Variants in TMEM178B observed in about 807,000 individuals in gnomAD.
TMEM178B encodes transmembrane protein 178B.
Under a neutral mutation model 31.0 loss-of-function variants are expected in TMEM178B, and 5 were observed. The ratio of observed to expected loss-of-function variants is 0.16; its 90% confidence interval spans 0.08 to 0.34. The LOEUF (loss-of-function observed/expected upper bound fraction) is 0.34. Ranked by LOEUF, TMEM178B falls within the 10% of genes least tolerant of loss-of-function variation. TMEM178B has a pLI of 1.00. For synonymous variants in TMEM178B, 164 were observed against 164.0 expected, an observed-to-expected ratio of 1.00 and a Z score of 0.00; for missense variants, 275 against 400.3, an observed-to-expected ratio of 0.69 and a Z score of 2.67.
intron 2 of TMEM178B, among the ~76,000 whole-genome samples, chr7:141,437,379 C>T (rs918532031): frequency 1.3e-5 from 2 of 152,220 alleles, no homozygotes; most frequent in African/African-American, 4.8e-5. Context: ...GATGATCTGT[C>T]CCTGTGCTTA....
At chr7:141,305,398 C>T (rs1163742425) in intron 2 of TMEM178B, among the ~76,000 whole-genome samples, 1 of 152,142 alleles carries the variant, frequency 6.6e-6, no homozygotes, top group Non-Finnish European at 1.5e-5. Flanking sequence ...AATGCACCAC[C>T]TGCTATTGCA....
intron 1 of TMEM178B, among the ~76,000 whole-genome samples, chr7:141,182,213 G>A (rs777480412): frequency 1.3e-5 from 2 of 152,100 alleles, no homozygotes; most frequent in African/African-American, 4.8e-5. Flanking sequence ...CATGCTCGCC[G>A]GGCAGCAGCC....
chr7:141,080,789 C>G (rs1794669483), intron 1 of TMEM178B, among the ~76,000 whole-genome samples: 1 of 152,150 alleles, frequency 6.6e-6, no homozygotes, highest in African/African-American at 2.4e-5. Flanking sequence ...TGGTTAAAGA[C>G]AGACTGCAGT....
At chr7:141,333,808 CAGGTAT>C (rs1409923885) in intron 2 of TMEM178B, among the ~76,000 whole-genome samples, 1 of 152,212 alleles carries the variant, frequency 6.6e-6, no homozygotes, top group Non-Finnish European at 1.5e-5. Context: ...CTCAGATCAT[CAGGTAT>C]TAGTTAGAGT....
intron 2 of TMEM178B, among the ~76,000 whole-genome samples, chr7:141,408,524 T>G (rs1489339002): frequency 6.6e-6 from 1 of 152,166 alleles, no homozygotes; most frequent in Non-Finnish European, 1.5e-5. Context: ...GGGATCACAT[T>G]GAGAGAATCA....
At chr7:141,326,953 A>G (rs375166691) in intron 2 of TMEM178B, among the ~76,000 whole-genome samples, 1 of 152,284 alleles carries the variant, frequency 6.6e-6, no homozygotes, top group South Asian at 2.1e-4. Context: ...TTTAACTCAC[A>G]TTTAAAAATA....
At chr7:141,335,510 C>T (rs1379080040) in intron 2 of TMEM178B, among the ~76,000 whole-genome samples, 1 of 152,080 alleles carries the variant, frequency 6.6e-6, no homozygotes, top group African/African-American at 2.4e-5. Flanking sequence ...GGACAGGCAC[C>T]CTGTGCAGGA....
intron 2 of TMEM178B, among the ~76,000 whole-genome samples, chr7:141,218,336 G>A (rs532681546): frequency 7.9e-5 from 12 of 152,266 alleles, no homozygotes; most frequent in Admixed American, 1.3e-4. Flanking sequence ...AGGGAGCAGT[G>A]GGGATGGAGG....
chr7:141,486,025 A>G, the TMEM178B span, among the ~76,000 whole-genome samples: 1 of 152,248 alleles, frequency 6.6e-6, no homozygotes, highest in Non-Finnish European at 1.5e-5. Context: ...GATTAGATAA[A>G]GAGAATGTGG....
Position 141,470,515 on chromosome 7 carries a change from GT to G in TMEM178B, c.635-20del, listed in dbSNP as rs1220037353. On this transcript the variant is annotated intron_variant, in intron 3 of 3. Transcript: ENST00000565468. ...TTCCTTCTCCATTTCCCCATCCTGTGTCTTTTCCCTTGTCCTCCAGGAACCT... is the reference window on the plus strand; with the variant it reads ...TTCCTTCTCCATTTCCCCATCCTGTGCTTTTCCCTTGTCCTCCAGGAACCT... The G allele has an allele frequency of 6.7e-7, 1 of 1,485,598 alleles. No individual in the cohort carries two copies. Among genetic ancestry groups the G allele is most frequent in the African/African-American group, 1.4e-5 (1 of 71,278 alleles). The allele number at this position is 1,485,598 out of a possible 1,614,324, so 92.0% of individuals were successfully genotyped here.
intron 2 of TMEM178B, among the ~76,000 whole-genome samples, chr7:141,386,306 G>A (rs1442657152): frequency 1.3e-5 from 2 of 152,194 alleles, no homozygotes. Flanking sequence ...GGACCTTGCA[G>A]AAACTTCGGC....
intron 2 of TMEM178B, among the ~76,000 whole-genome samples, chr7:141,404,339 A>G (rs1274989437): frequency 2.0e-5 from 3 of 152,136 alleles, no homozygotes; most frequent in Admixed American, 2.0e-4. Flanking sequence ...ACAAACAAAC[A>G]AAAACAACGG....
At chr7:141,314,780 C>A (rs1380061622) in intron 2 of TMEM178B, among the ~76,000 whole-genome samples, 1 of 152,148 alleles carries the variant, frequency 6.6e-6, no homozygotes, top group African/African-American at 2.4e-5. Flanking sequence ...CTTACTCTGT[C>A]CTTCATTGCA....
At chr7:141,276,742 A>G (rs1182525094) in intron 2 of TMEM178B, among the ~76,000 whole-genome samples, 6 of 152,114 alleles carry the variant, frequency 3.9e-5, no homozygotes, top group African/African-American at 1.4e-4. Flanking sequence ...TTATGCAAAT[A>G]CCATAGAACA....
rs1020371667 is a variant in TMEM178B, at chr7:141,475,295, C to G, written c.*4509C>G. ...ATTCTCGTGTCTGTCTCTCAAAGCTCTCAATGTCTGGGGCTGTGTTTGCCC... is the reference window on the plus strand; with the variant it reads ...ATTCTCGTGTCTGTCTCTCAAAGCTGTCAATGTCTGGGGCTGTGTTTGCCC... On this transcript the variant is annotated 3_prime_UTR_variant, in exon 4 of 4. Transcript: ENST00000565468. 1 of 152,150 alleles carries G rather than the reference C, an allele frequency of 6.6e-6. No individual in the cohort carries two copies. 9.4% of individuals were successfully genotyped at this position (152,150 alleles called of 1,614,324 possible). A position where few individuals can be genotyped will look rare whatever the true frequency, so the allele number is the denominator to read the frequency against.
intron 2 of TMEM178B, among the ~76,000 whole-genome samples, chr7:141,246,213 C>G (rs1410713630): frequency 1.3e-5 from 2 of 152,186 alleles, no homozygotes; most frequent in East Asian, 3.9e-4. Context: ...GTTGATAGTT[C>G]ATCTCTATGG....
chr7:141,086,907 C>G (rs542251397), intron 1 of TMEM178B, among the ~76,000 whole-genome samples: 4 of 152,046 alleles, frequency 2.6e-5, no homozygotes, highest in Non-Finnish European at 4.4e-5. Context: ...GGGCTCTTAT[C>G]GAACTCCTGA....
intron 2 of TMEM178B, among the ~76,000 whole-genome samples, chr7:141,350,899 C>T (rs1245130342): frequency 1.3e-5 from 2 of 152,174 alleles, no homozygotes; most frequent in African/African-American, 2.4e-5. Flanking sequence ...CTATAGAAGT[C>T]GTGTCTAAAG....
intron 2 of TMEM178B, among the ~76,000 whole-genome samples, chr7:141,226,768 G>T (rs1797348366): frequency 6.7e-6 from 1 of 149,570 alleles, no homozygotes; most frequent in African/African-American, 2.5e-5. Flanking sequence ...TAAGGCATGA[G>T]AATTGCTTGA....
Sources: gnomAD v4.1 joint callset for allele counts (sites outside exome capture counted in the v4.1 genomes callset) on GRCh38, gnomAD v4.1.1 for gene constraint, MANE v1.5 for transcripts, NCBI Gene and HGNC (gene_info 2026-07-23, HGNC 2026-07-21) for gene names.